Variants in EML5 observed in about 807,000 individuals in gnomAD.
EML5 encodes EMAP like 5, also known as echinoderm microtubule-associated protein-like 5.
In EML5, 120 loss-of-function variants were observed where a neutral mutation model predicts 250.0. The observed-to-expected ratio is 0.48, with a 90% CI of 0.41 to 0.56. The LOEUF (loss-of-function observed/expected upper bound fraction) is 0.56. EML5 is among the 20% of genes least tolerant of loss of function. The pLI is 0.00. For synonymous variants in EML5, 771 were observed against 806.5 expected (o/e 0.96, Z 0.75); for missense variants, 2,006 against 2,437.6 (o/e 0.82, Z 3.73).
rs757822882 is a variant in EML5, at chr14:88,614,992, A to G, written c.*826T>C. The G allele has an allele frequency of 5.3e-5, 8 of 152,202 alleles. No individual in the cohort carries two copies. Among genetic ancestry groups the G allele is most frequent in the Admixed American group, 1.3e-4 (2 of 15,284 alleles). 9.4% of individuals were successfully genotyped at this position (152,202 alleles called of 1,614,324 possible). ...TATATTAGACTACATTAAATATGCAATTCTTTCTTCCAGTTAAATACTGTT... is the reference window on the plus strand; with the variant it reads ...TATATTAGACTACATTAAATATGCAGTTCTTTCTTCCAGTTAAATACTGTT... On this transcript the variant is annotated 3_prime_UTR_variant, in exon 44 of 44. Transcript: ENST00000554922.
intron 32 of EML5, among the ~76,000 whole-genome samples, chr14:88,636,907 T>C (rs2140538667): frequency 6.6e-6 from 1 of 152,274 alleles, no homozygotes; most frequent in East Asian, 1.9e-4. Flanking sequence ...TCAAACACAC[T>C]GTAACAGAGA....
At chr14:88,781,381 A>C (rs1295143681) in intron 1 of EML5, among the ~76,000 whole-genome samples, 2 of 152,196 alleles carry the variant, frequency 1.3e-5, no homozygotes, top group Non-Finnish European at 2.9e-5. Context: ...CAAATGTAAT[A>C]GATTTATAAA....
At chr14:88,764,437 C>A (rs1476672623) in intron 1 of EML5, among the ~76,000 whole-genome samples, 1 of 152,164 alleles carries the variant, frequency 6.6e-6, no homozygotes, top group Admixed American at 6.5e-5. Context: ...CTTTTAACGT[C>A]TTTAGGTCAA....
At chr14:88,661,173 C>T (rs2092087136) in intron 25 of EML5, among the ~76,000 whole-genome samples, 1 of 152,208 alleles carries the variant, frequency 6.6e-6, no homozygotes. Context: ...ACTGTAGCCT[C>T]CAACTCCTGG....
chr14:88,625,244 C>T (rs886840319), intron 35 of EML5, 117 bp from the exon 36 acceptor site: 17 of 1,194,164 alleles, frequency 1.4e-5, no homozygotes, highest in Non-Finnish European at 1.6e-5. Flanking sequence ...GAGCATGCAT[C>T]GTGTAGTGGC....
chr14:88,693,788 T>TC (rs2093014234), intron 17 of EML5, among the ~76,000 whole-genome samples: 1 of 115,456 alleles, frequency 8.7e-6, no homozygotes, highest in Non-Finnish European at 1.7e-5. Context: ...TTTTTTTTTT[T>TC]CGAGACAAGT....
chr14:88,777,912 C>T (rs1441581343), intron 1 of EML5, among the ~76,000 whole-genome samples: 2 of 152,200 alleles, frequency 1.3e-5, no homozygotes, highest in African/African-American at 2.4e-5. Context: ...GAAGTCAAGG[C>T]TGCAGTGAGT....
chr14:88,744,106 G>A lies in EML5; in HGVS notation c.457-15C>T. 1 of 1,516,656 alleles carries A rather than the reference G, an allele frequency of 6.6e-7. No individual in the cohort carries two copies. The highest frequency in any genetic ancestry group is 8.9e-7 in the Non-Finnish European group (1 of 1,121,066). 93.9% of individuals were successfully genotyped at this position (1,516,656 alleles called of 1,614,324 possible). On this transcript the variant is annotated splice_polypyrimidine_tract_variant and intron_variant, in intron 3 of 43. Coordinates refer to ENST00000554922, the MANE Select transcript of EML5 (RefSeq NM_183387.3). ...ATATCAAATATCTGTAAACAAATCA[G>A]ATTCATGATTAAAATACTTATTTCC...
chr14:88,757,766 C>T (rs772717852), intron 1 of EML5, among the ~76,000 whole-genome samples: 6 of 151,870 alleles, frequency 4.0e-5, no homozygotes, highest in Non-Finnish European at 7.4e-5. Flanking sequence ...CAATAATATA[C>T]CATTTCTTTT....
At chr14:88,705,860 T>C (rs1051646502) in intron 11 of EML5, 1 of 594,622 alleles carries the variant, frequency 1.7e-6, no homozygotes, top group Non-Finnish European at 3.1e-6. Context: ...TGTGCAAATA[T>C]AAGTGAATAT....
At chr14:88,704,322 T>C (rs746288341) in intron 13 of EML5, among the ~76,000 whole-genome samples, 13 of 152,150 alleles carry the variant, frequency 8.5e-5, no homozygotes, top group Admixed American at 1.3e-4. Context: ...CCTTCTGCCA[T>C]GAGTAAAAGC....
rs1433335554 is a variant in EML5 at position 88,681,958 on chromosome 14, T to C, written c.3056A>G (p.Asp1019Gly). Residue 1019 changes from aspartate (D) to glycine (G), a missense_variant, in exon 21 of 44, where the codon GAT becomes GGT. This residue lies in a region of EML5 where 1,375 missense variants were observed against 1,590.3 expected (regional missense o/e 0.86). Coordinates refer to ENST00000554922, the MANE Select transcript of EML5 (RefSeq NM_183387.3). ...YLPICATVSDDKTLRIWDLSP... is the reference protein window; with the variant it reads ...YLPICATVSDGKTLRIWDLSP... ...GAGATCCCATATTCTTAAGGTTTTA[T>C]CATCGCTTACAGTAGCACAGATGGG... 8 of 1,613,726 alleles carry C rather than the reference T, an allele frequency of 5.0e-6. No individual in the cohort carries two copies. Among genetic ancestry groups the C allele is most frequent in the Non-Finnish European group, 6.8e-6 (8 of 1,179,788 alleles).
At chr14:88,691,246 CA>C (rs1336977861) in intron 17 of EML5, among the ~76,000 whole-genome samples, 1 of 152,134 alleles carries the variant, frequency 6.6e-6, no homozygotes. Flanking sequence ...CACTCCCAAC[CA>C]AAACCTGCCA....
chr14:88,702,277 G>A (rs1014764132), intron 14 of EML5, among the ~76,000 whole-genome samples, 169 bp downstream of exon 14: 1 of 152,014 alleles, frequency 6.6e-6, no homozygotes, highest in Non-Finnish European at 1.5e-5. Flanking sequence ...CTCTAAAACT[G>A]TAGGAAAAAA....
intron 8 of EML5, among the ~76,000 whole-genome samples, chr14:88,722,075 CGTCA>C (rs931630311): frequency 6.6e-6 from 1 of 152,102 alleles, no homozygotes; most frequent in Admixed American, 6.5e-5. Context: ...TACCATCTCA[CGTCA>C]GTCAGAATGA....
intron 21 of EML5, among the ~76,000 whole-genome samples, chr14:88,673,288 TATG>T (rs1435583701): frequency 6.6e-6 from 1 of 152,148 alleles, no homozygotes; most frequent in Non-Finnish European, 1.5e-5. Flanking sequence ...ACAAAGACCA[TATG>T]ATTATCTCAG....
At chr14:88,725,881 A>T (rs1313907505) in intron 8 of EML5, among the ~76,000 whole-genome samples, 1 of 152,174 alleles carries the variant, frequency 6.6e-6, no homozygotes, top group East Asian at 1.9e-4. Flanking sequence ...TTAACTACAC[A>T]GGGGAGGCAA....
chr14:88,654,269 G>GTC (rs1394618740), intron 27 of EML5, among the ~76,000 whole-genome samples: 8 of 151,942 alleles, frequency 5.3e-5, no homozygotes, highest in African/African-American at 9.7e-5. Flanking sequence ...GGTTTTTTGT[G>GTC]TCTCTCTCTC....
At chr14:88,755,095 C>T (rs576169411) in intron 1 of EML5, among the ~76,000 whole-genome samples, 2 of 152,308 alleles carry the variant, frequency 1.3e-5, no homozygotes, top group South Asian at 2.1e-4. Context: ...TGAGCCACCA[C>T]GCCCAGCAGG....
Sources: allele counts gnomAD v4.1 joint callset (sites outside exome capture counted in the v4.1 genomes callset), GRCh38; gene constraint gnomAD v4.1.1; regional missense constraint gnomAD v4.1.1; transcripts MANE v1.5; gene names NCBI Gene and HGNC (gene_info 2026-07-23, HGNC 2026-07-21).